Variants in KCNH1 observed in about 807,000 individuals in gnomAD.
KCNH1 encodes the protein potassium voltage-gated channel subfamily H member 1.
Under a neutral mutation model 69.2 loss-of-function variants are expected in KCNH1, and 27 were observed. The ratio of observed to expected loss-of-function variants is 0.39; its 90% CI spans 0.29 to 0.54. KCNH1 has a LOEUF of 0.54. KCNH1 is among the 20% of genes least tolerant of loss of function. The probability of loss-of-function intolerance (pLI) is 0.68; values close to 1 mark genes in which losing one functional copy is unlikely to be tolerated. For missense variants in KCNH1, 798 were observed against 1,261.6 expected, an observed-to-expected ratio of 0.63 and a Z score of 5.57; for synonymous variants, 456 against 487.7, an observed-to-expected ratio of 0.93 and a Z score of 0.86.
chr1:210,816,927 GGACA>G (rs1415495608), intron 7 of KCNH1, among the ~76,000 whole-genome samples: 1 of 151,888 alleles, frequency 6.6e-6, no homozygotes, highest in African/African-American at 2.4e-5. Flanking sequence ...CATAATAATT[GGACA>G]GACAGTGGCT....
chr1:211,052,908 C>T (rs1571609737), intron 5 of KCNH1, among the ~76,000 whole-genome samples: 1 of 152,356 alleles, frequency 6.6e-6, no homozygotes, highest in Middle Eastern at 3.4e-3. Flanking sequence ...GGCCATCTCG[C>T]TCCTCATGCA....
intron 1 of KCNH1, among the ~76,000 whole-genome samples, chr1:211,119,570 G>T (rs1165333424): frequency 6.6e-6 from 1 of 151,694 alleles, no homozygotes; most frequent in African/African-American, 2.4e-5. Flanking sequence ...GACAGATCAA[G>T]GTTATTTAGG....
intron 2 of KCNH1, among the ~76,000 whole-genome samples, chr1:211,106,093 C>T (rs1430207689): frequency 6.6e-6 from 1 of 152,176 alleles, no homozygotes; most frequent in Non-Finnish European, 1.5e-5. Flanking sequence ...GAAGACTATG[C>T]TTGGTCAGAC....
At chr1:210,813,084 C>T (rs969101611) in intron 7 of KCNH1, among the ~76,000 whole-genome samples, 4 of 152,184 alleles carry the variant, frequency 2.6e-5, no homozygotes, top group Non-Finnish European at 2.9e-5. Flanking sequence ...CAGAATACTG[C>T]GCTGGTACAT....
At chr1:210,887,050 CA>C (rs1321209312) in intron 7 of KCNH1, among the ~76,000 whole-genome samples, 2 of 151,982 alleles carry the variant, frequency 1.3e-5, no homozygotes, top group Non-Finnish European at 2.9e-5. Flanking sequence ...CAGAGAACAC[CA>C]AAAACATACT....
At chr1:211,057,991 G>C (rs1690344922) in intron 5 of KCNH1, among the ~76,000 whole-genome samples, 1 of 152,004 alleles carries the variant, frequency 6.6e-6, no homozygotes, top group South Asian at 2.1e-4. Context: ...ACACACAAAA[G>C]AGCTCCAATA....
chr1:210,791,477 C>T (rs1403608510), intron 9 of KCNH1, among the ~76,000 whole-genome samples: 1 of 152,206 alleles, frequency 6.6e-6, no homozygotes, highest in Admixed American at 6.5e-5. Flanking sequence ...GTCTACTTTA[C>T]TCATGCTGGT....
intron 6 of KCNH1, among the ~76,000 whole-genome samples, chr1:210,936,003 C>A (rs776927300): frequency 2.0e-5 from 3 of 152,178 alleles, no homozygotes; most frequent in Non-Finnish European, 4.4e-5. Flanking sequence ...CCAGGTTAAC[C>A]AATTCTCTGC....
At chr1:210,933,556 AAT>A (rs1687721790) in intron 6 of KCNH1, among the ~76,000 whole-genome samples, 1 of 152,124 alleles carries the variant, frequency 6.6e-6, no homozygotes, top group Admixed American at 6.5e-5. Flanking sequence ...AAATAAATGA[AAT>A]AGAGACTAAA....
intron 7 of KCNH1, among the ~76,000 whole-genome samples, chr1:210,836,282 T>G (rs1558490098): frequency 6.6e-6 from 1 of 152,140 alleles, no homozygotes; most frequent in Non-Finnish European, 1.5e-5. Flanking sequence ...TACTTAGGCA[T>G]ATAGGTAATA....
intron 5 of KCNH1, among the ~76,000 whole-genome samples, chr1:211,059,312 A>C (rs919306278): frequency 6.6e-6 from 1 of 150,978 alleles, no homozygotes; most frequent in East Asian, 2.0e-4. Context: ...GAGAGACAGA[A>C]AGTCATTAAT....
At chr1:211,072,767 T>A (rs569780765) in intron 5 of KCNH1, among the ~76,000 whole-genome samples, 2 of 151,716 alleles carry the variant, frequency 1.3e-5, no homozygotes, top group South Asian at 4.2e-4. Flanking sequence ...TTGAATCACA[T>A]AAAATGCTCA....
chr1:210,898,164 G>T (rs531377224), intron 7 of KCNH1, among the ~76,000 whole-genome samples: 10 of 152,320 alleles, frequency 6.6e-5, no homozygotes, highest in African/African-American at 2.4e-4. Context: ...AGTAGTGTTT[G>T]TGGCAGGTAT....
chr1:210,871,567 ACTATAAAT>A (rs1463800277), intron 7 of KCNH1, among the ~76,000 whole-genome samples: 3 of 152,188 alleles, frequency 2.0e-5, no homozygotes, highest in Non-Finnish European at 4.4e-5. Flanking sequence ...TACACAAAGG[ACTATAAAT>A]CATGCTGCTA....
At chr1:211,064,943 C>T (rs1013377779) in intron 5 of KCNH1, among the ~76,000 whole-genome samples, 1 of 152,110 alleles carries the variant, frequency 6.6e-6, no homozygotes, top group African/African-American at 2.4e-5. Flanking sequence ...GAGATACCAC[C>T]TCACATCTGT....
At chr1:211,029,166 CAAAA>C (rs34291308) in intron 5 of KCNH1, among the ~76,000 whole-genome samples, 2 of 52,696 alleles carry the variant, frequency 3.8e-5, no homozygotes, top group African/African-American at 1.3e-4. Flanking sequence ...CCCATCTCTA[CAAAA>C]AAAAAAAAAA....
chr1:210,726,033 G>A (rs926400545), intron 10 of KCNH1, among the ~76,000 whole-genome samples: 2 of 152,176 alleles, frequency 1.3e-5, no homozygotes, highest in African/African-American at 4.8e-5. Context: ...CATTCCCAGA[G>A]TTTGGCAGAT....
At chr1:210,755,586 G>C (rs1328654566) in intron 10 of KCNH1, among the ~76,000 whole-genome samples, 1 of 152,222 alleles carries the variant, frequency 6.6e-6, no homozygotes, top group African/African-American at 2.4e-5. Flanking sequence ...CCAGCTCACA[G>C]TTTGAGGTTT....
At chr1:210,834,268 A>G (rs1375644097) in intron 7 of KCNH1, among the ~76,000 whole-genome samples, 1 of 150,872 alleles carries the variant, frequency 6.6e-6, no homozygotes, top group Non-Finnish European at 1.5e-5. Flanking sequence ...CACAATAGCA[A>G]AGACTTGGAA....
Sources: gnomAD v4.1 joint callset for allele counts (sites outside exome capture counted in the v4.1 genomes callset) on GRCh38, gnomAD v4.1.1 for gene constraint, MANE v1.5 for transcripts, NCBI Gene and HGNC (gene_info 2026-07-23, HGNC 2026-07-21) for gene names.